Variants in DEFB126 observed in about 807,000 individuals in gnomAD.
DEFB126 encodes beta-defensin 126.
In DEFB126, 2 loss-of-function variants were observed where a neutral mutation model predicts 2.5. The ratio of observed to expected loss-of-function variants is 0.79; its 90% CI spans 0.32 to 2.49. The LOEUF is 2.49. Among genes scored for constraint, DEFB126 ranks in the 30% most tolerant of loss-of-function variants. The pLI, the probability that DEFB126 is intolerant of heterozygous loss-of-function variation, is 0.11. For missense variants in DEFB126, 136 were observed against 135.4 expected, an observed-to-expected ratio of 1.00 and a Z score of -0.02; for synonymous variants, 51 against 45.4, an observed-to-expected ratio of 1.12 and a Z score of -0.50.
intron 1 of DEFB126, 80 bp from the exon 2 acceptor site, chr20:145,335 G>C: frequency 2.2e-6 from 3 of 1,382,440 alleles, no homozygotes; most frequent in Non-Finnish European, 3.0e-6. Context: ...TGAATAAACA[G>C]TGCTCAAAAA....
At chr20:145,339 T>C in intron 1 of DEFB126, 76 bp from the exon 2 acceptor site, 1 of 1,420,562 alleles carries the variant, frequency 7.0e-7, no homozygotes, top group East Asian at 2.4e-5. Context: ...TAAACAGTGC[T>C]CAAAAACTAT....
At chr20:145,303 C>A in intron 1 of DEFB126, 112 bp from the exon 2 acceptor site, 1 of 1,037,892 alleles carries the variant, frequency 9.6e-7, no homozygotes, top group Non-Finnish European at 1.4e-6. Flanking sequence ...GAAAAACATG[C>A]TAAAGCAACT....
chr20:142,725 A>G, intron 1 of DEFB126, 39 bp downstream of exon 1: 6 of 1,604,532 alleles, frequency 3.7e-6, no homozygotes, highest in East Asian at 2.2e-5. Flanking sequence ...ACTGGCCTGG[A>G]ACAGGGTCCT....
rs536355115 is a variant in DEFB126 at position 143,511 on chromosome 20, A to G, written c.58+825A>G. On this transcript the variant is annotated intron_variant, in intron 1 of 1. Coordinates refer to ENST00000382398, the MANE Select transcript of DEFB126 (RefSeq NM_030931.4). The stretch of plus-strand genomic sequence containing the variant: ...ATAATTCTGTCATATTTTTGTACCA[A>G]TATTAACTTGGAAAGTCCTTAATTG... 1.1e-4 allele frequency among the ~76,000 whole-genome samples: 16 copies of G among 152,258 alleles called. No individual in the cohort carries two copies. The South Asian group carries it at 2.3e-3, about 22-fold the overall frequency.
rs754897112 is a variant in DEFB126 at position 145,624 on chromosome 20, A to C, written c.268A>C (p.Thr90Pro). 2.9e-5 allele frequency: 46 copies of C among 1,613,830 alleles called. No homozygotes were observed. The highest frequency in any genetic ancestry group is 3.9e-5 in the Non-Finnish European group (46 of 1,179,942). Residue 90 changes from threonine (T) to proline (P), a missense_variant, in exon 2 of 2, where the codon ACA becomes CCA. Coordinates refer to ENST00000382398, the MANE Select transcript of DEFB126 (RefSeq NM_030931.4). ...ISTVTATTAT[T>P]TLMMTTASMS... ...AACAGTAACAGCAACAACAGCAACA[A>C]CAACTTTGATGATGACTACTGCTTC...
Position 145,654 on chromosome 20 carries a change from T to TCTTCGATGG in DEFB126, c.301_309dup (p.Ser101_Ala103dup), listed in dbSNP as rs2054664878. 2.5e-6 allele frequency: 4 copies of TCTTCGATGG among 1,583,582 alleles called. No individual in the cohort carries two copies. Among genetic ancestry groups the TCTTCGATGG allele is most frequent in the Non-Finnish European group, 3.4e-6 (4 of 1,168,034 alleles). ...TTTGATGATGACTACTGCTTCGATG[T>TCTTCGATGG]CTTCGATGGCTCCTACCCCCGTTTC... is the stretch of plus-strand genomic sequence containing the variant. On this transcript the variant is annotated inframe_insertion, in exon 2 of 2. Transcript: ENST00000382398.
chr20:144,477 C>T (rs1425899670), intron 1 of DEFB126, among the ~76,000 whole-genome samples: 1 of 151,956 alleles, frequency 6.6e-6, no homozygotes, highest in Non-Finnish European at 1.5e-5. Flanking sequence ...TATTTTCTTT[C>T]TCCCCCTCTC....
chr20:143,024 C>T (rs990532712), intron 1 of DEFB126, among the ~76,000 whole-genome samples: 2 of 151,886 alleles, frequency 1.3e-5, no homozygotes, highest in Admixed American at 1.3e-4. Context: ...TTTTTGCTGC[C>T]GATATTCCCT....
chr20:144,392 T>C (rs2054659356), intron 1 of DEFB126, among the ~76,000 whole-genome samples: 1 of 152,168 alleles, frequency 6.6e-6, no homozygotes, highest in Admixed American at 6.5e-5. Flanking sequence ...TCACTTACTG[T>C]CAATTACCTC....
chr20:144,340 G>A (rs1221674444), intron 1 of DEFB126, among the ~76,000 whole-genome samples: 1 of 152,038 alleles, frequency 6.6e-6, no homozygotes, highest in Non-Finnish European at 1.5e-5. Flanking sequence ...GCTGATAAGG[G>A]ATAATAGTAG....
chr20:142,882 G>A (rs1236493488), intron 1 of DEFB126, among the ~76,000 whole-genome samples, 196 bp downstream of exon 1: 6 of 152,116 alleles, frequency 3.9e-5, no homozygotes, highest in Non-Finnish European at 1.5e-5. Context: ...ATCTGTGATC[G>A]GAGCTGGGGA....
intron 1 of DEFB126, 129 bp downstream of exon 1, chr20:142,815 T>C (rs1049259869): frequency 6.2e-6 from 6 of 961,844 alleles, no homozygotes; most frequent in Non-Finnish European, 9.8e-6. Flanking sequence ...AGATTTGTCC[T>C]ACTTCTTCAG....
chr20:142,881 C>A (rs1002988452), intron 1 of DEFB126, among the ~76,000 whole-genome samples, 195 bp downstream of exon 1: 6 of 152,130 alleles, frequency 3.9e-5, no homozygotes, highest in African/African-American at 1.2e-4. Flanking sequence ...GATCTGTGAT[C>A]GGAGCTGGGG....
At chr20:144,364 C>T (rs1201449169) in intron 1 of DEFB126, among the ~76,000 whole-genome samples, 1 of 152,090 alleles carries the variant, frequency 6.6e-6, no homozygotes, top group African/African-American at 2.4e-5. Flanking sequence ...TAATAGCATT[C>T]AAAAACGTTT....
Position 142,677 on chromosome 20 carries a change from T to C in DEFB126, c.49T>C (p.Leu17=), listed in dbSNP as rs73564534. The C allele has an allele frequency of 1.2e-3, 2,017 of 1,613,708 alleles. 29 individuals are homozygous for C. The African/African-American group carries it at 0.023, about 18-fold the overall frequency. Residue 17 remains leucine (L), a synonymous_variant, in exon 1 of 2, where the codon TTG becomes CTG. Coordinates refer to ENST00000382398, the MANE Select transcript of DEFB126 (RefSeq NM_030931.4). ...TGCAGTTTTTATGCTCCTGGCCCAATTGGTCTCAGGTAAACAGAATCTTGG... is the reference window on the plus strand; with the variant it reads ...TGCAGTTTTTATGCTCCTGGCCCAACTGGTCTCAGGTAAACAGAATCTTGG... The part of the protein sequence containing the change: ...TLAVFMLLAQ[L]VSGNWYVKKC...
At position 142,604 on chromosome 20, in the gene DEFB126, A is replaced by G. The variant is rs770275370; in HGVS notation, c.-25A>G. ...AGTCATACTGAATAGAGACTTCTGG[A>G]CTCTATAGAACCCACTGCCTCCTGA... On this transcript the variant is annotated 5_prime_UTR_variant, in exon 1 of 2. Transcript: ENST00000382398. The G allele has an allele frequency of 9.3e-6, 15 of 1,612,060 alleles. No homozygotes were observed.
intron 1 of DEFB126, among the ~76,000 whole-genome samples, chr20:143,217 G>A (rs879306713): frequency 1.3e-5 from 2 of 151,988 alleles, no homozygotes; most frequent in Non-Finnish European, 2.9e-5. Context: ...GGGAACTATT[G>A]GAAGTCTATA....
chr20:145,671 C>T lies in DEFB126; in HGVS notation c.315C>T (p.Thr105=). 3 of 318,966 alleles carry T rather than the reference C, an allele frequency of 9.4e-6. No homozygotes were observed. Among genetic ancestry groups the T allele is most frequent in the Non-Finnish European group, 8.6e-6 (2 of 231,782 alleles). 19.8% of individuals were successfully genotyped at this position (318,966 alleles called of 1,614,324 possible). A position where few individuals can be genotyped will look rare whatever the true frequency, so the allele number is the denominator to read the frequency against. Residue 105 remains threonine, a synonymous_variant, in exon 2 of 2, where the codon ACC becomes ACT. Coordinates refer to ENST00000382398, the MANE Select transcript of DEFB126 (RefSeq NM_030931.4). ...TTASMSSMAP[T]PVSPTG ...CTTCGATGTCTTCGATGGCTCCTAC[C>T]CCCGTTTCTCCCACTGGTTGAACAT...
Position 145,564 on chromosome 20 carries a change from G to C in DEFB126, c.208G>C (p.Val70Leu), listed in dbSNP as rs374096018. The C allele has an allele frequency of 9.5e-5, 154 of 1,613,988 alleles. 2 individuals carry two copies. The South Asian group carries it at 1.4e-3, about 14-fold the overall frequency. ...AGCTGACAGACGTGCTAATTATCCT[G>C]TTTTCTGTGTCCAGACAAAGACTAC... ...VPADRRANYP[V>L]FCVQTKTTRI... is the part of the protein sequence containing the mutation. Residue 70 changes from valine to leucine, a missense_variant, in exon 2 of 2, where the codon GTT becomes CTT. Val to Leu is a conservative substitution (Grantham distance 32). Coordinates refer to ENST00000382398, the MANE Select transcript of DEFB126 (RefSeq NM_030931.4).
Sources: allele counts gnomAD v4.1 joint callset (sites outside exome capture counted in the v4.1 genomes callset), GRCh38; gene constraint gnomAD v4.1.1; transcripts MANE v1.5; gene names NCBI Gene and HGNC (gene_info 2026-07-23, HGNC 2026-07-21).